ULK4: variants seen among roughly 807,000 people sequenced by gnomAD.
ULK4 encodes the protein inactive serine/threonine-protein kinase ULK4.
ULK4 carries 133 observed loss-of-function variants against 160.6 expected under a neutral mutation model. That is an observed-to-expected ratio of 0.83 (90% CI 0.72 to 0.96). The LOEUF is 0.96. ULK4 is among the 40% of genes least tolerant of loss of function. The probability of loss-of-function intolerance (pLI) is 0.00; values close to 1 mark genes in which losing one functional copy is unlikely to be tolerated. For missense variants in ULK4, 1,580 were observed against 1,499.5 expected, an observed-to-expected ratio of 1.05 and a Z score of -0.89; for synonymous variants, 534 against 539.8, an observed-to-expected ratio of 0.99 and a Z score of 0.15.
At chr3:41,918,657 A>T (rs1052718052) in intron 6 of ULK4, 117 bp from the exon 7 acceptor site, 13 of 510,150 alleles carry the variant, frequency 2.5e-5, no homozygotes, top group Admixed American at 5.5e-5. Flanking sequence ...GCTGGAGTGC[A>T]GTGGCGCAAT....
chr3:41,571,626 A>T (rs1322043338), intron 31 of ULK4, among the ~76,000 whole-genome samples: 1 of 152,170 alleles, frequency 6.6e-6, no homozygotes, highest in Non-Finnish European at 1.5e-5. Flanking sequence ...AGACAAGGGC[A>T]CGCATGTTTC....
At chr3:41,736,266 C>T (rs1195929136) in intron 22 of ULK4, among the ~76,000 whole-genome samples, 3 of 151,764 alleles carry the variant, frequency 2.0e-5, no homozygotes, top group Admixed American at 6.6e-5. Flanking sequence ...GGAATCGCCA[C>T]ACTGACTTCC....
At chr3:41,687,388 T>C (rs1238168955) in intron 27 of ULK4, among the ~76,000 whole-genome samples, 1 of 151,066 alleles carries the variant, frequency 6.6e-6, no homozygotes, top group Non-Finnish European at 1.5e-5. Flanking sequence ...AAAAAAAAAA[T>C]TAATTAAACA....
chr3:41,858,598 T>A (rs1237289788), intron 17 of ULK4, among the ~76,000 whole-genome samples: 2 of 145,610 alleles, frequency 1.4e-5, no homozygotes, highest in African/African-American at 5.1e-5. Context: ...ACTCAAGCAA[T>A]CCTCCCACCT....
intron 6 of ULK4, among the ~76,000 whole-genome samples, 197 bp from the exon 7 acceptor site, chr3:41,918,737 G>A (rs1469289859): frequency 1.3e-5 from 2 of 151,602 alleles, no homozygotes; most frequent in Non-Finnish European, 2.9e-5. Context: ...CAGCAGCTGG[G>A]ACCACAGGCG....
chr3:41,904,374 A>T (rs1320100791), intron 12 of ULK4, among the ~76,000 whole-genome samples: 1 of 152,156 alleles, frequency 6.6e-6, no homozygotes, highest in Non-Finnish European at 1.5e-5. Context: ...GGCTGCAATG[A>T]GCAACGATCA....
In ULK4 at chr3:41,817,066, CTGTG is replaced by C. The variant is rs55996693; in HGVS notation, c.1848+2353_1848+2356del. Among the ~76,000 whole-genome samples, 422 of 148,922 alleles carry C rather than the reference CTGTG, an allele frequency of 2.8e-3. 2 individuals carry two copies. Among genetic ancestry groups the C allele is most frequent in the South Asian group, 0.022 (105 of 4,680 alleles). On this transcript the variant is annotated intron_variant, in intron 19 of 36. Coordinates refer to ENST00000301831, the MANE Select transcript of ULK4 (RefSeq NM_017886.4). ...ACTTTCACTCAGTGATGTGGGGAAA[CTGTG>C]TGTGTGTGTGTGTGTGTGTGTACTC...
At chr3:41,500,764 G>A (rs1445224107) in intron 32 of ULK4, among the ~76,000 whole-genome samples, 6 of 152,124 alleles carry the variant, frequency 3.9e-5, no homozygotes, top group Non-Finnish European at 7.3e-5. Context: ...CTGGAACTCG[G>A]GGCCAGCAGA....
rs1699623592 is a variant in ULK4 at position 41,932,100 on chromosome 3, C to A, written c.379-94G>T. ...ATAATTGTACTAAAGAACTTTTCAG[C>A]ATTGCTATTCTTTATCAGAACTCAG... On this transcript the variant is annotated intron_variant, in intron 4 of 36. Transcript: ENST00000301831. 8 of 1,067,918 alleles carry A rather than the reference C, an allele frequency of 7.5e-6. No homozygotes were observed. The South Asian group carries it at 1.6e-4, about 21-fold the overall frequency. 66.2% of individuals were successfully genotyped at this position (1,067,918 alleles called of 1,614,324 possible). A position where few individuals can be genotyped will look rare whatever the true frequency, so the allele number is the denominator to read the frequency against.
At chr3:41,761,233 C>T (rs1242149687) in intron 21 of ULK4, among the ~76,000 whole-genome samples, 2 of 150,854 alleles carry the variant, frequency 1.3e-5, no homozygotes, top group African/African-American at 2.4e-5. Context: ...AAGTAAATTT[C>T]ATTAAAAGTA....
intron 17 of ULK4, among the ~76,000 whole-genome samples, chr3:41,874,379 T>C (rs1697222925): frequency 6.6e-6 from 1 of 152,200 alleles, no homozygotes; most frequent in Non-Finnish European, 1.5e-5. Context: ...CAAATCACCA[T>C]ATATCCACTT....
chr3:41,860,794 C>CT (rs1370482446), intron 17 of ULK4, among the ~76,000 whole-genome samples: 3 of 117,034 alleles, frequency 2.6e-5, no homozygotes, highest in Admixed American at 8.4e-5. Flanking sequence ...ATCTTCTCTT[C>CT]CTTCTTTCTT....
Position 41,312,390 on chromosome 3 carries a change from T to C in ULK4, c.3679-62816A>G, listed in dbSNP as rs867328623. On this transcript the variant is annotated intron_variant, in intron 35 of 36. Transcript: ENST00000301831. ...GACAACAATGCAGTTCAATTAGAAG[T>C]CAATAACAACAACAAGCAACCTACA... Among the ~76,000 whole-genome samples, 7 of 152,236 alleles carry C rather than the reference T, an allele frequency of 4.6e-5. No individual in the cohort carries two copies. The Middle Eastern group carries it at 0.01, about 222-fold the overall frequency.
At chr3:41,595,498 A>G (rs1003322764) in intron 31 of ULK4, among the ~76,000 whole-genome samples, 2 of 152,254 alleles carry the variant, frequency 1.3e-5, no homozygotes, top group African/African-American at 4.8e-5. Flanking sequence ...TTACTTATGC[A>G]AAGTGTGTAG....
chr3:41,851,288 G>A (rs1370552486), intron 17 of ULK4, among the ~76,000 whole-genome samples: 1 of 152,016 alleles, frequency 6.6e-6, no homozygotes, highest in East Asian at 1.9e-4. Context: ...TAGCATGAAG[G>A]GCTGTTGAAT....
chr3:41,548,228 T>C (rs2086933461), intron 32 of ULK4, among the ~76,000 whole-genome samples: 1 of 152,102 alleles, frequency 6.6e-6, no homozygotes, highest in Admixed American at 6.5e-5. Context: ...GTCACCTCTC[T>C]AGGTGTCCAC....
At chr3:41,901,941 T>C (rs922877620) in intron 12 of ULK4, among the ~76,000 whole-genome samples, 3 of 152,080 alleles carry the variant, frequency 2.0e-5, no homozygotes, top group Admixed American at 1.3e-4. Context: ...CTAGTTAGAG[T>C]TGATACATAA....
chr3:41,935,477 C>T (rs937284222), intron 4 of ULK4, among the ~76,000 whole-genome samples: 19 of 152,038 alleles, frequency 1.2e-4, no homozygotes, highest in Non-Finnish European at 8.8e-5. Flanking sequence ...GATCCGCCCG[C>T]CTCAGCCTCC....
intron 32 of ULK4, among the ~76,000 whole-genome samples, chr3:41,489,439 G>A (rs9311279): frequency 0.41 from 62,237 of 151,920 alleles, 12,931 homozygotes; most frequent in African/African-American, 0.43. Flanking sequence ...AGCGTGTGAT[G>A]TAACTCACTC....
Sources: gnomAD v4.1 joint callset for allele counts (sites outside exome capture counted in the v4.1 genomes callset) on GRCh38, gnomAD v4.1.1 for gene constraint, MANE v1.5 for transcripts, NCBI Gene and HGNC (gene_info 2026-07-23, HGNC 2026-07-21) for gene names.